Variants in VRK1 observed in about 807,000 individuals in gnomAD.
VRK1 encodes the protein VRK serine/threonine kinase 1.
In VRK1, 33 loss-of-function variants were observed where a neutral mutation model predicts 57.1. The observed-to-expected ratio is 0.58, with a 90% CI of 0.44 to 0.77. The LOEUF (loss-of-function observed/expected upper bound fraction) is 0.77, where lower values mean the gene tolerates loss of function less well. Ranked by LOEUF, VRK1 falls within the 30% of genes least tolerant of loss-of-function variation. VRK1 has a pLI of 0.00. For synonymous variants in VRK1, 137 were observed against 147.8 expected, an observed-to-expected ratio of 0.93 and a Z score of 0.53; for missense variants, 413 against 477.3, an observed-to-expected ratio of 0.87 and a Z score of 1.25.
In VRK1 at chr14:96,860,591, A is replaced by G. The variant is rs1465333513; in HGVS notation, c.924A>G (p.Leu308=). The change falls in exon 11 of 13, where the codon TTA becomes TTG. Residue 308 remains leucine, a synonymous_variant. Coordinates refer to ENST00000216639, the MANE Select transcript of VRK1 (RefSeq NM_003384.3). ...EIAKYMETVK[L]LDYTEKPLYE... Reference sequence around the variant, plus strand: ...CCAAATACATGGAAACAGTGAAATTACTAGACTACACTGAAAAACCTCTTT... The same window carrying G: ...CCAAATACATGGAAACAGTGAAATTGCTAGACTACACTGAAAAACCTCTTT... 6.2e-7 allele frequency: 1 copy of G among 1,613,068 alleles called. No individual in the cohort carries two copies. The highest frequency in any genetic ancestry group is 1.1e-5 in the South Asian group (1 of 90,996).
chr14:96,857,374 T>C (rs1183887935), intron 10 of VRK1, among the ~76,000 whole-genome samples: 1 of 151,232 alleles, frequency 6.6e-6, no homozygotes, highest in African/African-American at 2.4e-5. Context: ...AGGAAGGAGG[T>C]GAGGGAGGGA....
chr14:96,808,019 G>GTCTCTCTCTCCCTC (rs1566683621), intron 1 of VRK1, among the ~76,000 whole-genome samples: 3 of 34,246 alleles, frequency 8.8e-5, no homozygotes, highest in African/African-American at 2.2e-4. Context: ...CTCTCCCTCT[G>GTCTCTCTCTCCCTC]TGTGTGTGTG....
At chr14:96,876,170 C>A in intron 12 of VRK1, 50 bp downstream of exon 12, 2 of 1,562,248 alleles carry the variant, frequency 1.3e-6, no homozygotes, top group South Asian at 2.2e-5. Flanking sequence ...ACACAAATTT[C>A]ATTTCCTCCC....
chr14:96,806,715 A>G (rs1376107491), intron 1 of VRK1, among the ~76,000 whole-genome samples: 1 of 152,200 alleles, frequency 6.6e-6, no homozygotes, highest in Non-Finnish European at 1.5e-5. Context: ...AATGTTTGTC[A>G]TCATCATCAT....
chr14:96,880,315 T>G (rs554049302), intron 12 of VRK1, among the ~76,000 whole-genome samples: 3 of 152,098 alleles, frequency 2.0e-5, no homozygotes, highest in African/African-American at 7.2e-5. Context: ...TGATCTTTTG[T>G]TTTTTTTCGT....
chr14:96,861,448 TTA>T (rs1418760369), intron 11 of VRK1, among the ~76,000 whole-genome samples: 1 of 152,178 alleles, frequency 6.6e-6, no homozygotes, highest in Non-Finnish European at 1.5e-5. Context: ...TTAGCTATTT[TTA>T]TATGAGGAAG....
At chr14:96,870,406 A>G (rs1169530216) in intron 11 of VRK1, among the ~76,000 whole-genome samples, 1 of 152,214 alleles carries the variant, frequency 6.6e-6, no homozygotes, top group African/African-American at 2.4e-5. Flanking sequence ...AACTTTGCCA[A>G]AAGTTTTCGA....
chr14:96,808,436 G>A (rs1886003792), intron 1 of VRK1, among the ~76,000 whole-genome samples: 1 of 152,090 alleles, frequency 6.6e-6, no homozygotes, highest in South Asian at 2.1e-4. Flanking sequence ...AGGTGCAGAA[G>A]CATCAAGCTC....
intron 11 of VRK1, among the ~76,000 whole-genome samples, chr14:96,875,220 G>A (rs529282399): frequency 2.6e-5 from 4 of 152,288 alleles, no homozygotes; most frequent in East Asian, 1.9e-4. Context: ...GAAACTTAAC[G>A]CAGGATTGGA....
chr14:96,831,655 C>G (rs559858131), intron 1 of VRK1, among the ~76,000 whole-genome samples: 1 of 152,238 alleles, frequency 6.6e-6, no homozygotes, highest in African/African-American at 2.4e-5. Flanking sequence ...ATTTTTGTCA[C>G]TTCTGGAAAG....
intron 1 of VRK1, among the ~76,000 whole-genome samples, chr14:96,798,869 T>C (rs549500956): frequency 2.0e-5 from 3 of 152,358 alleles, no homozygotes; most frequent in African/African-American, 7.2e-5. Flanking sequence ...CTGTTACCTA[T>C]AGAAGGGAAT....
rs1887160657 is a variant in VRK1, at chr14:96,835,011, CTG to C, written c.160+1388_160+1389del. ...ACCTTTTGCAAAGTTAAAACTTGCC[CTG>C]TGTGTGTCTCATCTGTTTTATCTGT... On this transcript the variant is annotated intron_variant, in intron 2 of 12. Coordinates refer to ENST00000216639, the MANE Select transcript of VRK1 (RefSeq NM_003384.3). Among the ~76,000 whole-genome samples the C allele has an allele frequency of 2.6e-5, 4 of 152,108 alleles. No homozygotes were observed. In the South Asian group the frequency reaches 8.3e-4, roughly 32 times the overall value.
chr14:96,808,019 G>GTCTCTCCCTCTCTCTC (rs1566683621), intron 1 of VRK1, among the ~76,000 whole-genome samples: 1 of 34,246 alleles, frequency 2.9e-5, no homozygotes, highest in African/African-American at 7.3e-5. Context: ...CTCTCCCTCT[G>GTCTCTCCCTCTCTCTC]TGTGTGTGTG....
intron 1 of VRK1, among the ~76,000 whole-genome samples, chr14:96,805,175 A>G (rs1885822355): frequency 6.6e-6 from 1 of 152,208 alleles, no homozygotes; most frequent in Non-Finnish European, 1.5e-5. Flanking sequence ...CTTGTATGTG[A>G]AGAACTATAC....
At chr14:96,835,967 TC>T (rs1887196279) in intron 2 of VRK1, among the ~76,000 whole-genome samples, 1 of 152,126 alleles carries the variant, frequency 6.6e-6, no homozygotes. Flanking sequence ...CTCTGATGAC[TC>T]TCCAGTGTCC....
chr14:96,851,548 C>T (rs556531590), intron 5 of VRK1, among the ~76,000 whole-genome samples: 120 of 152,250 alleles, frequency 7.9e-4, no homozygotes, highest in African/African-American at 2.8e-3. Flanking sequence ...AATTTTCTTC[C>T]AGTTCAAAAA....
At chr14:96,833,339 G>A (rs1213652065) in intron 1 of VRK1, 128 bp from the exon 2 acceptor site, 1 of 985,178 alleles carries the variant, frequency 1.0e-6, no homozygotes, top group Non-Finnish European at 1.5e-6. Flanking sequence ...GAATTAACAG[G>A]TATCCTTTAA....
chr14:96,862,317 G>GA (rs947736638), intron 11 of VRK1, among the ~76,000 whole-genome samples: 1 of 151,904 alleles, frequency 6.6e-6, no homozygotes, highest in Admixed American at 6.6e-5. Flanking sequence ...TCATTTAGGG[G>GA]AAAAAAATGA....
At chr14:96,856,843 C>CT (rs1314044077) in intron 10 of VRK1, among the ~76,000 whole-genome samples, 1 of 152,108 alleles carries the variant, frequency 6.6e-6, no homozygotes, top group Non-Finnish European at 1.5e-5. Context: ...TGACGCACGC[C>CT]TGTGGTCCCA....
Sources: allele counts gnomAD v4.1 joint callset (sites outside exome capture counted in the v4.1 genomes callset), GRCh38; gene constraint gnomAD v4.1.1; transcripts MANE v1.5; gene names NCBI Gene and HGNC (gene_info 2026-07-23, HGNC 2026-07-21).